The following PKIA variants were observed in gnomAD, a reference collection of about 807,000 sequenced individuals.
PKIA encodes cAMP-dependent protein kinase inhibitor alpha, also known as PKI-alpha.
A neutral mutation model predicts 7.6 loss-of-function variants in PKIA; 4 were observed. That is an observed-to-expected ratio of 0.52 (90% CI 0.26 to 1.20). The LOEUF is 1.20. Among genes scored for constraint, PKIA ranks in the 50% most tolerant of loss-of-function variants. The probability of loss-of-function intolerance (pLI) is 0.13; values close to 1 mark genes in which losing one functional copy is unlikely to be tolerated. For synonymous variants in PKIA, 21 were observed against 30.7 expected, an observed-to-expected ratio of 0.68 and a Z score of 1.04; for missense variants, 73 against 86.2, an observed-to-expected ratio of 0.85 and a Z score of 0.61.
At chr8:78,572,541 G>GCACACA (rs1554582465) in intron 1 of PKIA, among the ~76,000 whole-genome samples, 3,319 of 98,394 alleles carry the variant, frequency 0.034, 48 homozygotes, top group Middle Eastern at 0.081. Flanking sequence ...AAAGCTGCAC[G>GCACACA]CACACACACA....
At chr8:78,591,011 TTTTC>T (rs1302394405) in intron 2 of PKIA, among the ~76,000 whole-genome samples, 1 of 152,168 alleles carries the variant, frequency 6.6e-6, no homozygotes, top group African/African-American at 2.4e-5. Flanking sequence ...AAAAGGGGAA[TTTTC>T]TTTCTTTCTT....
At chr8:78,538,048 T>C (rs1046928497) in intron 1 of PKIA, among the ~76,000 whole-genome samples, 1 of 152,026 alleles carries the variant, frequency 6.6e-6, no homozygotes, top group African/African-American at 2.4e-5. Flanking sequence ...TGTGCTGACA[T>C]ATAACCCTCA....
chr8:78,581,249 C>G (rs1480019004), intron 2 of PKIA, among the ~76,000 whole-genome samples: 1 of 151,990 alleles, frequency 6.6e-6, no homozygotes, highest in African/African-American at 2.4e-5. Context: ...TTCCCCTGGG[C>G]AAATCTCGAA....
chr8:78,557,160 A>T (rs1231463601), intron 1 of PKIA, among the ~76,000 whole-genome samples: 2 of 152,182 alleles, frequency 1.3e-5, no homozygotes, highest in Non-Finnish European at 2.9e-5. Context: ...AATGAATGTG[A>T]CGCCAATTAA....
At chr8:78,583,602 T>C (rs1185066291) in intron 2 of PKIA, among the ~76,000 whole-genome samples, 1 of 152,136 alleles carries the variant, frequency 6.6e-6, no homozygotes, top group Non-Finnish European at 1.5e-5. Context: ...TAAATGACTC[T>C]GCTTGCATTT....
Position 78,601,798 on chromosome 8 carries a change from G to A in PKIA, c.208G>A (p.Glu70Lys). The A allele has an allele frequency of 6.2e-7, 1 of 1,612,296 alleles. No homozygotes were observed. The highest frequency in any genetic ancestry group is 8.5e-7 in the Non-Finnish European group (1 of 1,178,852). ...STEQSGEAQGEAAKSES is the reference protein window; with the variant it reads ...STEQSGEAQGKAAKSES The stretch of plus-strand genomic sequence containing the variant: ...AGAACAAAGTGGGGAAGCCCAGGGA[G>A]AAGCAGCAAAATCTGAAAGCTAACA... The change falls in exon 4 of 4, where the codon GAA becomes AAA. Residue 70 changes from glutamate to lysine, a missense_variant. Physicochemically the swap from Glu to Lys is moderately conservative, Grantham distance 56 (BLOSUM62 1). Coordinates refer to ENST00000396418, the MANE Select transcript of PKIA (RefSeq NM_006823.4).
At chr8:78,586,240 T>C (rs1016569271) in intron 2 of PKIA, among the ~76,000 whole-genome samples, 4 of 152,182 alleles carry the variant, frequency 2.6e-5, no homozygotes, top group Admixed American at 6.5e-5. Context: ...ATCAAATATA[T>C]TAAAATGTAT....
At chr8:78,551,276 TA>T (rs1364354446) in intron 1 of PKIA, among the ~76,000 whole-genome samples, 1 of 152,060 alleles carries the variant, frequency 6.6e-6, no homozygotes, top group Non-Finnish European at 1.5e-5. Flanking sequence ...CCTAGACAAC[TA>T]AAAGTGGGCC....
chr8:78,591,074 C>T (rs1203935629), intron 2 of PKIA, among the ~76,000 whole-genome samples: 3 of 152,216 alleles, frequency 2.0e-5, no homozygotes, highest in Non-Finnish European at 4.4e-5. Flanking sequence ...AAGTCTTCAG[C>T]GCATGCTGAT....
intron 2 of PKIA, among the ~76,000 whole-genome samples, chr8:78,573,926 A>T (rs1007599721): frequency 6.6e-6 from 1 of 152,022 alleles, no homozygotes. Flanking sequence ...AGTATCTGTG[A>T]CATGAAAGCC....
chr8:78,534,009 TAAA>T (rs1407657732), intron 1 of PKIA: 3 of 152,162 alleles, frequency 2.0e-5, no homozygotes, highest in African/African-American at 7.2e-5. Flanking sequence ...AACTTTTACT[TAAA>T]ACAAGCAAGT....
At chr8:78,585,446 T>C (rs1807927997) in intron 2 of PKIA, among the ~76,000 whole-genome samples, 2 of 152,076 alleles carry the variant, frequency 1.3e-5, no homozygotes, top group Admixed American at 1.3e-4. Context: ...GTATTACACA[T>C]TGTACTGAAG....
chr8:78,589,417 A>AAGAAAGATAC (rs1808039270), intron 2 of PKIA, among the ~76,000 whole-genome samples: 1 of 152,268 alleles, frequency 6.6e-6, no homozygotes, highest in Non-Finnish European at 1.5e-5. Flanking sequence ...AGTACTTCTA[A>AAGAAAGATAC]CATTTTAAAC....
intron 1 of PKIA, among the ~76,000 whole-genome samples, chr8:78,549,208 G>A (rs1365770099): frequency 6.6e-6 from 1 of 151,946 alleles, no homozygotes; most frequent in Admixed American, 6.6e-5. Context: ...TAATGTAGCA[G>A]GAAAAGATAA....
intron 1 of PKIA, among the ~76,000 whole-genome samples, chr8:78,532,381 G>A (rs1459706563): frequency 6.6e-6 from 1 of 151,844 alleles, no homozygotes; most frequent in Non-Finnish European, 1.5e-5. Flanking sequence ...TCCCACTCCA[G>A]CTCACCCCTG....
At chr8:78,517,242 C>A (rs1809333318) in intron 1 of PKIA, among the ~76,000 whole-genome samples, 1 of 152,122 alleles carries the variant, frequency 6.6e-6, no homozygotes, top group Non-Finnish European at 1.5e-5. Flanking sequence ...TACCTGTGTC[C>A]TTCCCCCAAA....
intron 1 of PKIA, among the ~76,000 whole-genome samples, chr8:78,553,300 C>T (rs1807034356): frequency 1.3e-5 from 2 of 151,918 alleles, no homozygotes; most frequent in Admixed American, 1.3e-4. Context: ...AGGGTCCCGT[C>T]TGTGGAGGCA....
chr8:78,562,583 C>T (rs537972455), intron 1 of PKIA, among the ~76,000 whole-genome samples: 2 of 152,284 alleles, frequency 1.3e-5, no homozygotes, highest in East Asian at 3.9e-4. Flanking sequence ...AAGCTTGTAG[C>T]TATCACGTGG....
chr8:78,593,522 A>G (rs545456813), intron 2 of PKIA, among the ~76,000 whole-genome samples: 180 of 152,356 alleles, frequency 1.2e-3, no homozygotes, highest in Non-Finnish European at 1.6e-3. Flanking sequence ...TTAAATATTT[A>G]TAAGATGTAT....
Sources: allele counts gnomAD v4.1 joint callset (sites outside exome capture counted in the v4.1 genomes callset), GRCh38; gene constraint gnomAD v4.1.1; transcripts MANE v1.5; gene names NCBI Gene and HGNC (gene_info 2026-07-23, HGNC 2026-07-21).